Variants in UGT2A3 observed in about 807,000 individuals in gnomAD.
The protein encoded by UGT2A3 is UDP-glucuronosyltransferase 2A3.
Under a neutral mutation model 44.1 loss-of-function variants are expected in UGT2A3, and 55 were observed. The ratio of observed to expected loss-of-function variants is 1.25; its 90% CI spans 1.00 to 1.56. UGT2A3 has a LOEUF of 1.56. Among genes scored for constraint, UGT2A3 ranks in the 40% most tolerant of loss-of-function variants. The probability of loss-of-function intolerance (pLI) is 0.00; values close to 1 mark genes in which losing one functional copy is unlikely to be tolerated. For missense variants in UGT2A3, 733 were observed against 621.6 expected (o/e 1.18, Z -1.91); for synonymous variants, 243 against 215.1 (o/e 1.13, Z -1.13).
chr4:68,943,066 T>C (rs572528565), intron 2 of UGT2A3, among the ~76,000 whole-genome samples: 157 of 151,958 alleles, frequency 1.0e-3, no homozygotes, highest in Middle Eastern at 6.8e-3. Flanking sequence ...AATAAATATT[T>C]AGTGTAAGAC....
intron 2 of UGT2A3, among the ~76,000 whole-genome samples, chr4:68,938,428 C>T (rs981619713): frequency 2.6e-5 from 4 of 152,016 alleles, no homozygotes; most frequent in Non-Finnish European, 4.4e-5. Context: ...TGTAATCCTT[C>T]ACACAAGCAG....
intron 2 of UGT2A3, among the ~76,000 whole-genome samples, chr4:68,935,154 T>C (rs1469063498): frequency 2.0e-5 from 3 of 150,916 alleles, no homozygotes; most frequent in African/African-American, 4.9e-5. Context: ...TTAATAACAC[T>C]TTTTCTCACT....
At chr4:68,949,676 A>G (rs1429188524) in intron 1 of UGT2A3, among the ~76,000 whole-genome samples, 1 of 151,930 alleles carries the variant, frequency 6.6e-6, no homozygotes, top group Non-Finnish European at 1.5e-5. Context: ...CAATAAAGCA[A>G]TGTATAATAA....
At chr4:68,948,439 CTTTTTTTTTTTTT>C (rs60082800) in intron 1 of UGT2A3, among the ~76,000 whole-genome samples, 1 of 110,152 alleles carries the variant, frequency 9.1e-6, no homozygotes, top group Admixed American at 9.7e-5. Context: ...TCTTTTTTTT[CTTTTTTTTTTTTT>C]TTTTTTTGGT....
At position 68,929,754 on chromosome 4, in the gene UGT2A3, T is replaced by A; in HGVS notation, c.*59A>T. 7.0e-7 allele frequency: 1 copy of A among 1,427,238 alleles called. No homozygotes were observed. Among genetic ancestry groups the A allele is most frequent in the Non-Finnish European group, 9.5e-7 (1 of 1,055,998 alleles). 88.4% of individuals were successfully genotyped at this position (1,427,238 alleles called of 1,614,324 possible). On this transcript the variant is annotated 3_prime_UTR_variant, in exon 6 of 6. Transcript: ENST00000251566. ...GAAAATAGCAAGGTTTTCACCAAATTCTATGTGGCTGGAATTAACAGGATT... is the reference window on the plus strand; with the variant it reads ...GAAAATAGCAAGGTTTTCACCAAATACTATGTGGCTGGAATTAACAGGATT...
Position 68,951,425 on chromosome 4 carries a change from AT to A in UGT2A3, c.335del (p.Asp112ValfsTer6), listed in dbSNP as rs766501305. On this transcript the variant is annotated frameshift_variant, in exon 1 of 6. Transcript: ENST00000251566. LOFTEE classifies it high-confidence loss of function. ...STWQSVIKLN[D>X]FFVEIRGTLK... is the part of the protein sequence containing the mutation. ...AAGTTCCTCTTATTTCAACAAAAAA[AT>A]CATTTAATTTTATAACTGATTGCCA... 3.4e-5 allele frequency: 55 copies of A among 1,611,596 alleles called. No homozygotes were observed. In the Middle Eastern group the frequency reaches 6.6e-4, roughly 19 times the overall value.
At chr4:68,942,319 A>ATCTCTCTCTC (rs3071533) in intron 2 of UGT2A3, among the ~76,000 whole-genome samples, 1 of 145,994 alleles carries the variant, frequency 6.8e-6, no homozygotes, top group Admixed American at 7.0e-5. Flanking sequence ...ATTTGAAAAT[A>ATCTCTCTCTC]TCTCTCTCTC....
At chr4:68,949,810 T>C (rs1448696910) in intron 1 of UGT2A3, among the ~76,000 whole-genome samples, 4 of 151,854 alleles carry the variant, frequency 2.6e-5, no homozygotes, top group African/African-American at 4.8e-5. Context: ...TAGATAATTC[T>C]ATAAAATATA....
At chr4:68,938,946 C>T (rs777130067) in intron 2 of UGT2A3, among the ~76,000 whole-genome samples, 1 of 152,048 alleles carries the variant, frequency 6.6e-6, no homozygotes, top group Non-Finnish European at 1.5e-5. Flanking sequence ...CTGTCATTCA[C>T]AATTGCTACA....
At chr4:68,939,983 A>G (rs947803964) in intron 2 of UGT2A3, among the ~76,000 whole-genome samples, 3 of 152,110 alleles carry the variant, frequency 2.0e-5, no homozygotes, top group Non-Finnish European at 2.9e-5. Flanking sequence ...AAATGCAAAC[A>G]AAAACCACAA....
chr4:68,951,311 A>G lies in UGT2A3; in HGVS notation c.450T>C (p.Pro150=). 6.2e-7 allele frequency: 1 copy of G among 1,612,464 alleles called. No homozygotes were observed. The stretch of plus-strand genomic sequence containing the variant: ...CCATCAGGTCTCCACAGGGAATCAC[A>G]GGGTCTATAAGCATTACATCGTAGT... ...ETNYDVMLID[P]VIPCGDLMAE... Residue 150 remains proline (P), a synonymous_variant, in exon 1 of 6, where the codon CCT becomes CCC. Transcript: ENST00000251566.
At chr4:68,944,021 G>A (rs1718289810) in intron 2 of UGT2A3, among the ~76,000 whole-genome samples, 1 of 151,788 alleles carries the variant, frequency 6.6e-6, no homozygotes, top group African/African-American at 2.4e-5. Context: ...GCTTTTCCCA[G>A]AGAATTTTCT....
At chr4:68,930,493 T>C (rs975400322) in intron 5 of UGT2A3, 53 bp downstream of exon 5, 42 of 1,451,778 alleles carry the variant, frequency 2.9e-5, no homozygotes, top group Non-Finnish European at 3.8e-5. Context: ...TTTTCTGGTA[T>C]AATGTATAAC....
intron 2 of UGT2A3, among the ~76,000 whole-genome samples, chr4:68,943,756 T>A (rs991502712): frequency 6.6e-6 from 1 of 151,802 alleles, no homozygotes; most frequent in Non-Finnish European, 1.5e-5. Context: ...CACTGCCTCC[T>A]GGTAACCACC....
intron 4 of UGT2A3, 65 bp from the exon 5 acceptor site, chr4:68,930,830 G>A (rs2017125): frequency 0.83 from 1,121,574 of 1,356,856 alleles, 469,631 homozygotes; most frequent in Non-Finnish European, 0.87. Context: ...ATTATTTAAA[G>A]ACTACAGATG....
chr4:68,951,480 G>A lies in UGT2A3; in HGVS notation c.281C>T (p.Ala94Val), dbSNP rs930453740. Residue 94 changes from alanine (A) to valine (V), a missense_variant, in exon 1 of 6, where the codon GCT (alanine) becomes GTT (valine). By Grantham distance (64) the Ala-to-Val change is moderately conservative (BLOSUM62 0). Transcript: ENST00000251566. ...TEENEIFVDL[A>V]LNVLPGLSTW... Reference sequence around the variant, plus strand: ...TGATAAGCCTGGCAAGACATTCAGAGCTAGGTCAACAAATATTTCATTTTC... The same window carrying A: ...TGATAAGCCTGGCAAGACATTCAGAACTAGGTCAACAAATATTTCATTTTC... The A allele has an allele frequency of 3.7e-6, 6 of 1,612,628 alleles. No individual in the cohort carries two copies. The East Asian group carries it at 1.1e-4, about 30-fold the overall frequency.
Position 68,945,368 on chromosome 4 carries a change from A to G in UGT2A3, c.802T>C (p.Tyr268His). ...CCAACAAACTCAAAGTTAGGTTGGTATGGTTGAGGAAATTCAAAATCCCAA... is the reference window on the plus strand; with the variant it reads ...CCAACAAACTCAAAGTTAGGTTGGTGTGGTTGAGGAAATTCAAAATCCCAA... ...TYWDFEFPQP[Y>H]QPNFEFVGGL... is the part of the protein sequence containing the mutation. Residue 268 changes from tyrosine to histidine, a missense_variant, in exon 2 of 6, where the codon TAC (tyrosine) becomes CAC (histidine). Transcript: ENST00000251566. 1.2e-6 allele frequency: 2 copies of G among 1,611,502 alleles called. No homozygotes were observed. Among genetic ancestry groups the G allele is most frequent in the Non-Finnish European group, 1.7e-6 (2 of 1,178,498 alleles).
At chr4:68,949,613 G>C (rs2109798238) in intron 1 of UGT2A3, among the ~76,000 whole-genome samples, 1 of 151,978 alleles carries the variant, frequency 6.6e-6, no homozygotes, top group South Asian at 2.1e-4. Context: ...TGATTAGCTT[G>C]ACTCAAGGTT....
intron 1 of UGT2A3, among the ~76,000 whole-genome samples, chr4:68,949,453 C>T (rs1167950948): frequency 2.0e-5 from 3 of 151,712 alleles, no homozygotes; most frequent in Non-Finnish European, 4.4e-5. Flanking sequence ...TCAAGGTGCC[C>T]CCAAGCTAAT....
Sources: allele counts gnomAD v4.1 joint callset (sites outside exome capture counted in the v4.1 genomes callset), GRCh38; gene constraint gnomAD v4.1.1; transcripts MANE v1.5; gene names NCBI Gene and HGNC (gene_info 2026-07-23, HGNC 2026-07-21).